The following MME variants were observed in gnomAD, a reference collection of about 807,000 sequenced individuals.
MME encodes the protein neprilysin.
MME carries 98 observed loss-of-function variants against 113.2 expected under a neutral mutation model. The ratio of observed to expected loss-of-function variants is 0.87; its 90% confidence interval spans 0.74 to 1.02. The LOEUF (loss-of-function observed/expected upper bound fraction) is 1.02. MME is among the 50% of genes least tolerant of loss of function. The probability of loss-of-function intolerance (pLI) is 0.00; values close to 1 mark genes in which losing one functional copy is unlikely to be tolerated. For missense variants in MME, 836 were observed against 896.0 expected, an observed-to-expected ratio of 0.93 and a Z score of 0.86; for synonymous variants, 292 against 300.6, an observed-to-expected ratio of 0.97 and a Z score of 0.30.
intron 1 of MME, chr3:155,081,125 A>G (rs961292219): frequency 1.3e-4 from 20 of 152,306 alleles, no homozygotes; most frequent in African/African-American, 4.6e-4. Context: ...AAATATGGAA[A>G]CTGTTTCTCC....
chr3:155,045,576 G>T (rs972059422), intron 1 of MME, among the ~76,000 whole-genome samples: 1 of 150,928 alleles, frequency 6.6e-6, no homozygotes, highest in East Asian at 1.9e-4. Flanking sequence ...ACCCAGGCTG[G>T]TATCAGTAGG....
intron 16 of MME, among the ~76,000 whole-genome samples, chr3:155,158,186 T>C (rs1722450563): frequency 6.6e-6 from 1 of 152,062 alleles, no homozygotes; most frequent in South Asian, 2.1e-4. Flanking sequence ...TATTTCAATA[T>C]TAGGATTTTT....
chr3:155,042,693 G>A (rs982869999), intron 1 of MME, among the ~76,000 whole-genome samples: 5 of 151,518 alleles, frequency 3.3e-5, no homozygotes, highest in African/African-American at 1.2e-4. Context: ...GTTTTGAATT[G>A]TGTTAATCTG....
In MME at chr3:155,118,797, G is replaced by A. The variant is rs200990220; in HGVS notation, c.706G>A (p.Gly236Arg). The change falls in exon 8 of 23, where the codon GGA becomes AGA. Residue 236 changes from glycine to arginine, a missense_variant. By Grantham distance (125) the Gly-to-Arg change is moderately radical (BLOSUM62 -2). Coordinates refer to ENST00000360490, the MANE Select transcript of MME (RefSeq NM_007289.4). ...TTCTAGAGATTACTATGAATGCACT[G>A]GAATCTATAAAGAGGTAAAAAGAAA... ...LPSRDYYECT[G>R]IYKEACTAYV... 1 of 1,600,612 alleles carries A rather than the reference G, an allele frequency of 6.2e-7. No individual in the cohort carries two copies.
upstream of MME, among the ~76,000 whole-genome samples, chr3:155,075,591 G>T (rs1279494928): frequency 6.6e-6 from 1 of 151,450 alleles, no homozygotes; most frequent in African/African-American, 2.4e-5. Flanking sequence ...CTTTTTTGTG[G>T]TTGTATTAGT....
At chr3:155,131,783 G>T (rs1257685144) in intron 8 of MME, among the ~76,000 whole-genome samples, 1 of 152,134 alleles carries the variant, frequency 6.6e-6, no homozygotes. Context: ...AAATGGCTGT[G>T]TGACTATATG....
intron 22 of MME, among the ~76,000 whole-genome samples, chr3:155,179,649 GA>G (rs1712888033): frequency 6.6e-6 from 1 of 152,122 alleles, no homozygotes; most frequent in African/African-American, 2.4e-5. Context: ...GGGTGGGTGT[GA>G]AAACATCACC....
chr3:155,073,127 C>T (rs1251339699), intron 1 of MME, among the ~76,000 whole-genome samples: 2 of 152,116 alleles, frequency 1.3e-5, no homozygotes, highest in East Asian at 1.9e-4. Context: ...AAAAGTCAAC[C>T]GAAGGTGCAT....
intron 3 of MME, among the ~76,000 whole-genome samples, chr3:155,101,377 G>T (rs1474002455): frequency 6.6e-6 from 1 of 152,156 alleles, no homozygotes; most frequent in Non-Finnish European, 1.5e-5. Context: ...TTGACAAATT[G>T]GTTGAGTACC....
At chr3:155,063,906 A>T (rs1232538582) in intron 1 of MME, among the ~76,000 whole-genome samples, 1 of 151,318 alleles carries the variant, frequency 6.6e-6, no homozygotes, top group African/African-American at 2.4e-5. Flanking sequence ...ATGTGACTGT[A>T]TTTGGGAGAT....
rs1254522989 is a variant in MME at position 155,116,920 on chromosome 3, GA to G, written c.594del (p.Val199SerfsTer15). On this transcript the variant is annotated frameshift_variant, in exon 7 of 23. Transcript: ENST00000360490. LOFTEE classifies it high-confidence loss of function. ...AIAQLNSKYGKKVLINLFVGT... is the reference protein window; with the variant it reads ...AIAQLNSKYGXKVLINLFVGT... ...TTGCACAACTGAATTCTAAATATGGGAAAAAAGTCCTTATTAATTTGTTTGT... is the reference window on the plus strand; with the variant it reads ...TTGCACAACTGAATTCTAAATATGGGAAAAAGTCCTTATTAATTTGTTTGT... 6.2e-7 allele frequency: 1 copy of G among 1,612,408 alleles called. No individual in the cohort carries two copies. The highest frequency in any genetic ancestry group is 2.2e-5 in the East Asian group (1 of 44,768).
intron 17 of MME, among the ~76,000 whole-genome samples, chr3:155,160,745 TA>T (rs1465765068): frequency 6.6e-6 from 1 of 152,104 alleles, no homozygotes; most frequent in Non-Finnish European, 1.5e-5. Flanking sequence ...GTACCTTTTT[TA>T]AAGTCCCTTG....
At chr3:155,124,808 A>G (rs1719470021) in intron 8 of MME, among the ~76,000 whole-genome samples, 1 of 152,032 alleles carries the variant, frequency 6.6e-6, no homozygotes, top group Non-Finnish European at 1.5e-5. Flanking sequence ...TGGGAGAACC[A>G]CTGCTCTCTT....
At chr3:155,089,883 C>T (rs1197001552) in intron 3 of MME, 2 of 451,428 alleles carry the variant, frequency 4.4e-6, no homozygotes, top group East Asian at 7.0e-5. Flanking sequence ...TTGCTTGAAC[C>T]CAGGAGGCAG....
At chr3:155,124,171 A>G (rs1317400656) in intron 8 of MME, among the ~76,000 whole-genome samples, 5 of 150,332 alleles carry the variant, frequency 3.3e-5, no homozygotes, top group Non-Finnish European at 7.4e-5. Context: ...CATTCATTTC[A>G]TCTTCCATTG....
intron 1 of MME, among the ~76,000 whole-genome samples, chr3:155,042,397 C>A (rs1713351424): frequency 6.6e-6 from 1 of 152,000 alleles, no homozygotes. Flanking sequence ...TATGTCATGC[C>A]CAGTCTTTCT....
rs1462881957 is a variant in MME at position 155,161,583 on chromosome 3, TA to T, written c.1660+1140del. On this transcript the variant is annotated intron_variant, in intron 17 of 22. Coordinates refer to ENST00000360490, the MANE Select transcript of MME (RefSeq NM_007289.4). ...TACCTTTCCCCGTTGCTTTCAAGTC[TA>T]AAAAGAGTTAGGTTAAGAAGTTATC... is the stretch of plus-strand genomic sequence containing the variant. Among the ~76,000 whole-genome samples, 3 of 152,256 alleles carry T rather than the reference TA, an allele frequency of 2.0e-5. No homozygotes were observed. The East Asian group carries it at 5.8e-4, about 29-fold the overall frequency.
At chr3:155,078,045 T>TACACACACACACAC (rs34585642), upstream of MME, among the ~76,000 whole-genome samples, 507 of 139,824 alleles carry the variant, frequency 3.6e-3, 4 homozygotes, top group African/African-American at 0.012. Flanking sequence ...AAAGTAAAAG[T>TACACACACACACAC]ACACACACAC....
At chr3:155,046,543 A>T (rs1713566821) in intron 1 of MME, among the ~76,000 whole-genome samples, 1 of 152,140 alleles carries the variant, frequency 6.6e-6, no homozygotes, top group Non-Finnish European at 1.5e-5. Context: ...CAAAAAAATT[A>T]GGTGGGCGTG....
Sources: gnomAD v4.1 joint callset for allele counts (sites outside exome capture counted in the v4.1 genomes callset) on GRCh38, gnomAD v4.1.1 for gene constraint, MANE v1.5 for transcripts, NCBI Gene and HGNC (gene_info 2026-07-23, HGNC 2026-07-21) for gene names.